MYO3B: variants seen among roughly 807,000 people sequenced by gnomAD.
MYO3B encodes the protein myosin-IIIb.
A neutral mutation model predicts 174.6 loss-of-function variants in MYO3B; 156 were observed. That is an observed-to-expected ratio of 0.89 (90% CI 0.78 to 1.02). The LOEUF is 1.02. Among genes scored for constraint, MYO3B ranks in the 50% least tolerant of loss-of-function variants. MYO3B has a pLI of 0.00. For synonymous variants in MYO3B, 563 were observed against 569.1 expected, an observed-to-expected ratio of 0.99 and a Z score of 0.15; for missense variants, 1,632 against 1,639.4, an observed-to-expected ratio of 1.00 and a Z score of 0.08.
At chr2:170,478,406 C>T (rs1036358112) in intron 25 of MYO3B, among the ~76,000 whole-genome samples, 1 of 152,080 alleles carries the variant, frequency 6.6e-6, no homozygotes, top group Admixed American at 6.5e-5. Context: ...TCATTTCTTA[C>T]TCCTTGCTAC....
At chr2:170,612,005 C>A (rs1368690637) in intron 32 of MYO3B, among the ~76,000 whole-genome samples, 4 of 152,184 alleles carry the variant, frequency 2.6e-5, no homozygotes, top group Non-Finnish European at 4.4e-5. Context: ...CAGGCCAGTT[C>A]TCAGGGACAC....
intron 1 of MYO3B, among the ~76,000 whole-genome samples, chr2:170,196,495 G>C (rs1447764709): frequency 6.6e-6 from 1 of 152,180 alleles, no homozygotes; most frequent in African/African-American, 2.4e-5. Flanking sequence ...CAGCCTGGGT[G>C]ACAGAGTGAG....
At chr2:170,201,320 T>C (rs138315141) in intron 3 of MYO3B, among the ~76,000 whole-genome samples, 138 of 152,344 alleles carry the variant, frequency 9.1e-4, no homozygotes, top group Middle Eastern at 3.4e-3. Context: ...TCTGACCTTC[T>C]GAACCAGCTC....
rs555699252 is a variant in MYO3B, at chr2:170,637,988, AT to A, written c.3734-13635del. 1.8e-4 allele frequency among the ~76,000 whole-genome samples: 27 copies of A among 152,142 alleles called. No individual in the cohort carries two copies. In the South Asian group the frequency reaches 5.6e-3, roughly 32 times the overall value. On this transcript the variant is annotated intron_variant, in intron 32 of 34. Transcript: ENST00000408978. ...TCACCACTAACACTTCATTGATTTC[AT>A]TTTTACATCTTATTAATTAAATGCA...
intron 16 of MYO3B, among the ~76,000 whole-genome samples, chr2:170,399,242 CA>C (rs71399532): frequency 0.067 from 1,056 of 15,652 alleles, 5 homozygotes; most frequent in African/African-American, 0.095. Flanking sequence ...AATTCCGTCT[CA>C]AAAAAAAAAA....
intron 32 of MYO3B, among the ~76,000 whole-genome samples, chr2:170,612,432 A>G (rs781738652): frequency 3.8e-4 from 58 of 152,076 alleles, no homozygotes; most frequent in Middle Eastern, 3.2e-3. Flanking sequence ...CTAACATTCT[A>G]TATGCCACTC....
intron 19 of MYO3B, 105 bp from the exon 20 acceptor site, chr2:170,404,142 C>T: frequency 3.6e-6 from 4 of 1,104,322 alleles, no homozygotes; most frequent in Non-Finnish European, 5.2e-6. Flanking sequence ...TCCTGCTTTC[C>T]ACATGCATTC....
At chr2:170,536,842 G>A (rs1426552859) in intron 30 of MYO3B, among the ~76,000 whole-genome samples, 1 of 152,094 alleles carries the variant, frequency 6.6e-6, no homozygotes, top group Non-Finnish European at 1.5e-5. Flanking sequence ...CATAATGAAA[G>A]TTATATGACT....
intron 32 of MYO3B, among the ~76,000 whole-genome samples, chr2:170,620,579 C>G (rs1054394380): frequency 1.3e-5 from 2 of 152,216 alleles, no homozygotes; most frequent in African/African-American, 4.8e-5. Flanking sequence ...ATGTCAGAGA[C>G]AAAAGACTTG....
chr2:170,522,542 A>G (rs981479800), intron 30 of MYO3B, among the ~76,000 whole-genome samples: 1 of 152,160 alleles, frequency 6.6e-6, no homozygotes, highest in Non-Finnish European at 1.5e-5. Context: ...GTCTTACAAC[A>G]TATTCTGACT....
At chr2:170,459,488 G>T (rs997343386) in intron 23 of MYO3B, among the ~76,000 whole-genome samples, 4 of 152,086 alleles carry the variant, frequency 2.6e-5, no homozygotes, top group African/African-American at 9.7e-5. Context: ...TAGACACAAG[G>T]TGCTGATTGG....
At chr2:170,580,778 T>G (rs1023777057) in intron 32 of MYO3B, among the ~76,000 whole-genome samples, 7 of 149,776 alleles carry the variant, frequency 4.7e-5, no homozygotes, top group Non-Finnish European at 7.4e-5. Flanking sequence ...GTAAATAGTA[T>G]ATGTTTTTAA....
chr2:170,337,632 C>A lies in MYO3B; in HGVS notation c.815+2182C>A, dbSNP rs183008066. Among the ~76,000 whole-genome samples, 4 of 152,302 alleles carry A rather than the reference C, an allele frequency of 2.6e-5. 1 individual carries two copies. Among genetic ancestry groups the A allele is most frequent in the East Asian group, 3.9e-4 (2 of 5,182 alleles). On this transcript the variant is annotated intron_variant, in intron 8 of 34. Coordinates refer to ENST00000408978, the MANE Select transcript of MYO3B (RefSeq NM_138995.5). ...AGCGGTTGGGGTGCTGACTACCCCC[C>A]ACCTTATGAAGTCAAAAATTGCCTA... is the stretch of plus-strand genomic sequence containing the variant.
chr2:170,233,051 G>A (rs1243392616), intron 6 of MYO3B, among the ~76,000 whole-genome samples: 7 of 152,182 alleles, frequency 4.6e-5, no homozygotes. Context: ...ATTTAGATAT[G>A]TTCTTAGAAT....
At chr2:170,430,096 C>T (rs1398682465) in intron 22 of MYO3B, among the ~76,000 whole-genome samples, 2 of 149,798 alleles carry the variant, frequency 1.3e-5, no homozygotes, top group African/African-American at 4.9e-5. Flanking sequence ...GCCAACTTTT[C>T]ATATATGTGG....
chr2:170,549,646 G>A (rs1690752711), intron 32 of MYO3B, among the ~76,000 whole-genome samples: 1 of 152,064 alleles, frequency 6.6e-6, no homozygotes, highest in Non-Finnish European at 1.5e-5. Flanking sequence ...GATCCTTAAG[G>A]TGACCAAATA....
chr2:170,329,175 C>A (rs59441748), intron 7 of MYO3B, among the ~76,000 whole-genome samples: 24,210 of 150,908 alleles, frequency 0.16, 3,885 homozygotes, highest in African/African-American at 0.41. Flanking sequence ...ACTACTACTA[C>A]TAATAATATA....
intron 7 of MYO3B, among the ~76,000 whole-genome samples, chr2:170,331,147 G>A (rs986089819): frequency 2.0e-5 from 3 of 152,184 alleles, no homozygotes; most frequent in Non-Finnish European, 4.4e-5. Flanking sequence ...CAAGTACTGT[G>A]CAGCACAGTG....
intron 32 of MYO3B, among the ~76,000 whole-genome samples, chr2:170,589,666 TG>T (rs1216043930): frequency 6.6e-6 from 1 of 152,214 alleles, no homozygotes; most frequent in Admixed American, 6.5e-5. Flanking sequence ...AGTGTTATTA[TG>T]AGTCAAAACA....
Sources: allele counts gnomAD v4.1 joint callset (sites outside exome capture counted in the v4.1 genomes callset), GRCh38; gene constraint gnomAD v4.1.1; transcripts MANE v1.5; gene names NCBI Gene and HGNC (gene_info 2026-07-23, HGNC 2026-07-21).